Variants in BCLAF3 observed in about 807,000 individuals in gnomAD.
BCLAF3 encodes the protein transient octamer binding factor 1.
A neutral mutation model predicts 51.2 loss-of-function variants in BCLAF3; 24 were observed. That is an observed-to-expected ratio of 0.47 (90% CI 0.34 to 0.66). The LOEUF is 0.66. BCLAF3 is among the 30% of genes least tolerant of loss of function. The pLI is 0.01. For synonymous variants in BCLAF3, 152 were observed against 176.6 expected (o/e 0.86, Z 1.10); for missense variants, 465 against 525.1 (o/e 0.89, Z 1.12).
intron 11 of BCLAF3, 104 bp downstream of exon 11, chrX:19,929,681 T>C: frequency 2.5e-6 from 2 of 812,681 alleles, no homozygotes; most frequent in South Asian, 5.8e-5. Context: ...AAAACCCAGG[T>C]TGTTTCTTAA....
intron 1 of BCLAF3, among the ~76,000 whole-genome samples, chrX:19,981,649 T>C (rs909174157): frequency 5.4e-5 from 6 of 112,069 alleles, no homozygotes; most frequent in African/African-American, 1.9e-4. Flanking sequence ...TAGGAGCATA[T>C]TAATACTACA....
In BCLAF3 at chrX:19,990,964, GC is replaced by G. The variant is rs2072912914; in HGVS notation, c.-92del. Among the ~76,000 whole-genome samples the G allele has an allele frequency of 1.1e-5, 1 of 93,329 alleles. No individual in the cohort carries two copies. Among genetic ancestry groups the G allele is most frequent in the Non-Finnish European group, 2.1e-5 (1 of 48,382 alleles). The allele number at this position is 93,329 out of a possible 115,157, so 81.0% of individuals were successfully genotyped here. ...CGCCGCCGCCGCCGCCGCCGCCGCC[GC>G]CGCCGCCGGCCCCTCGGGCCTCGCC... On this transcript the variant is annotated 5_prime_UTR_variant, in exon 1 of 12. Transcript: ENST00000379682.
At chrX:19,919,771 C>T (rs769830199) in intron 11 of BCLAF3, among the ~76,000 whole-genome samples, 13 of 104,060 alleles carry the variant, frequency 1.2e-4, no homozygotes, top group African/African-American at 3.5e-4. Flanking sequence ...ACAGGAGAAT[C>T]GCTTGAGCCT....
intron 11 of BCLAF3, among the ~76,000 whole-genome samples, chrX:19,920,211 G>A (rs986877693): frequency 2.1e-4 from 23 of 112,029 alleles, no homozygotes; most frequent in African/African-American, 7.1e-4. Context: ...AGGAAATTAA[G>A]TATGTTCTGT....
chrX:19,953,363 A>G (rs1467012276), intron 6 of BCLAF3, among the ~76,000 whole-genome samples: 2 of 111,736 alleles, frequency 1.8e-5, no homozygotes, highest in Admixed American at 1.9e-4. Flanking sequence ...ACCTGCTCCA[A>G]CAAGTGCCAG....
At chrX:19,970,560 T>C (rs1416234982) in intron 1 of BCLAF3, among the ~76,000 whole-genome samples, 2 of 111,899 alleles carry the variant, frequency 1.8e-5, no homozygotes, top group Non-Finnish European at 3.8e-5. Flanking sequence ...CTGTCACATC[T>C]GTTTCTTCTT....
At chrX:19,984,298 G>A (rs1441184773) in intron 1 of BCLAF3, among the ~76,000 whole-genome samples, 1 of 110,392 alleles carries the variant, frequency 9.1e-6, no homozygotes, top group East Asian at 2.8e-4. Flanking sequence ...AGGAGACACT[G>A]GAAACACACT....
chrX:19,976,930 G>A (rs1478891698), intron 1 of BCLAF3, among the ~76,000 whole-genome samples: 1 of 111,599 alleles, frequency 9.0e-6, no homozygotes, highest in Non-Finnish European at 1.9e-5. Flanking sequence ...TTGTCTCTGT[G>A]TCATATCACA....
At chrX:19,922,294 C>A (rs2070193544) in intron 11 of BCLAF3, among the ~76,000 whole-genome samples, 1 of 110,999 alleles carries the variant, frequency 9.0e-6, no homozygotes, top group Non-Finnish European at 1.9e-5. Context: ...GAGTGGCATT[C>A]CTATAAATAG....
intron 8 of BCLAF3, among the ~76,000 whole-genome samples, chrX:19,938,402 T>A (rs2070859898): frequency 9.0e-6 from 1 of 111,674 alleles, no homozygotes; most frequent in African/African-American, 3.3e-5. Context: ...GATTTTTTGT[T>A]TGCTTGTTTT....
intron 1 of BCLAF3, among the ~76,000 whole-genome samples, chrX:19,971,857 T>C (rs2034301021): frequency 8.9e-6 from 1 of 112,343 alleles, no homozygotes; most frequent in Non-Finnish European, 1.9e-5. Context: ...GAAACTAAAA[T>C]ATAAAGGCTT....
intron 8 of BCLAF3, among the ~76,000 whole-genome samples, chrX:19,949,892 A>G (rs2071423921): frequency 8.9e-6 from 1 of 111,788 alleles, no homozygotes; most frequent in South Asian, 3.7e-4. Flanking sequence ...TGTCCTGTTC[A>G]ATTATACCTC....
intron 11 of BCLAF3, among the ~76,000 whole-genome samples, chrX:19,919,754 G>A (rs7879651): frequency 0.27 from 28,556 of 105,244 alleles, 4,550 homozygotes; most frequent in African/African-American, 0.57. Context: ...CTACTCAGGA[G>A]GCTAAGACAG....
At chrX:19,982,679 T>C (rs976754325) in intron 1 of BCLAF3, among the ~76,000 whole-genome samples, 7 of 109,480 alleles carry the variant, frequency 6.4e-5, no homozygotes, top group Non-Finnish European at 1.1e-4. Context: ...AGAACAAAAA[T>C]GCAAACCTTC....
intron 1 of BCLAF3, among the ~76,000 whole-genome samples, chrX:19,977,951 T>C (rs1240304562): frequency 1.8e-5 from 2 of 110,763 alleles, no homozygotes; most frequent in Non-Finnish European, 3.8e-5. Flanking sequence ...AAAGCCTGAG[T>C]GACAGCACAT....
chrX:19,917,448 A>C, intron 11 of BCLAF3, 114 bp from the exon 12 acceptor site: 6 of 624,646 alleles, frequency 9.6e-6, no homozygotes, highest in South Asian at 5.8e-5. Flanking sequence ...TGTTACTTGC[A>C]CCCCGAGATT....
intron 2 of BCLAF3, among the ~76,000 whole-genome samples, chrX:19,968,777 G>A (rs2072149362): frequency 8.9e-6 from 1 of 112,641 alleles, no homozygotes; most frequent in Admixed American, 9.4e-5. Flanking sequence ...AGCTTGGCAG[G>A]GTCTCTTGTG....
intron 1 of BCLAF3, among the ~76,000 whole-genome samples, chrX:19,975,008 G>A (rs2072378377): frequency 8.9e-6 from 1 of 112,027 alleles, no homozygotes; most frequent in Admixed American, 9.5e-5. Context: ...TCTAAAATTA[G>A]ATCAGATATT....
intron 8 of BCLAF3, among the ~76,000 whole-genome samples, chrX:19,940,990 G>C (rs1238089705): frequency 1.8e-5 from 2 of 110,663 alleles, no homozygotes; most frequent in Admixed American, 9.6e-5. Flanking sequence ...ATATCTCATA[G>C]TGGTTTTGAT....
Sources: allele counts gnomAD v4.1 joint callset (sites outside exome capture counted in the v4.1 genomes callset), GRCh38; gene constraint gnomAD v4.1.1; transcripts MANE v1.5; gene names NCBI Gene and HGNC (gene_info 2026-07-23, HGNC 2026-07-21).